JAKMIP2: variants seen among roughly 807,000 people sequenced by gnomAD.
The protein encoded by JAKMIP2 is janus kinase and microtubule-interacting protein 2.
JAKMIP2 carries 25 observed loss-of-function variants against 115.0 expected under a neutral mutation model. The ratio of observed to expected loss-of-function variants is 0.22; its 90% CI spans 0.16 to 0.30. The LOEUF is 0.30. JAKMIP2 is among the 10% of genes least tolerant of loss of function. The probability of loss-of-function intolerance (pLI) is 1.00; values close to 1 mark genes in which losing one functional copy is unlikely to be tolerated. For missense variants in JAKMIP2, 642 were observed against 957.6 expected (o/e 0.67, Z 4.35); for synonymous variants, 334 against 343.6 (o/e 0.97, Z 0.31).
chr5:147,716,105 T>C (rs1360717359), intron 1 of JAKMIP2, among the ~76,000 whole-genome samples: 1 of 147,712 alleles, frequency 6.8e-6, no homozygotes, highest in African/African-American at 2.5e-5. Flanking sequence ...TTTGGTTTTT[T>C]GTTCTTGTGA....
chr5:147,756,228 A>G (rs1469923158), intron 1 of JAKMIP2, among the ~76,000 whole-genome samples: 1 of 152,212 alleles, frequency 6.6e-6, no homozygotes, highest in African/African-American at 2.4e-5. Context: ...AGCATCAGAG[A>G]GAAGAATTCT....
At chr5:147,721,049 G>T (rs1753256690) in intron 1 of JAKMIP2, among the ~76,000 whole-genome samples, 1 of 152,168 alleles carries the variant, frequency 6.6e-6, no homozygotes, top group Admixed American at 6.5e-5. Context: ...CTTTCTGTTT[G>T]TTAGTTTTCC....
intron 19 of JAKMIP2, among the ~76,000 whole-genome samples, chr5:147,616,366 C>T (rs1756583417): frequency 6.6e-6 from 1 of 152,074 alleles, no homozygotes; most frequent in African/African-American, 2.4e-5. Flanking sequence ...AATGAAACTC[C>T]CTGAGGTTCA....
intron 1 of JAKMIP2, among the ~76,000 whole-genome samples, chr5:147,769,712 G>A (rs1755279537): frequency 6.9e-6 from 1 of 145,128 alleles, no homozygotes. Context: ...CAAAATATTA[G>A]GACATCAATG....
At chr5:147,592,262 CAGA>C (rs1217645551) in intron 21 of JAKMIP2, among the ~76,000 whole-genome samples, 1 of 152,174 alleles carries the variant, frequency 6.6e-6, no homozygotes, top group Non-Finnish European at 1.5e-5. Flanking sequence ...ATTTTAATAG[CAGA>C]CCTGTCTATT....
chr5:147,644,773 G>A (rs2126728322), intron 6 of JAKMIP2, 77 bp downstream of exon 6: 1 of 1,279,476 alleles, frequency 7.8e-7, no homozygotes, highest in South Asian at 1.4e-5. Context: ...AAAATAAGCT[G>A]AGAAATGGCA....
intron 7 of JAKMIP2, among the ~76,000 whole-genome samples, chr5:147,643,527 C>T (rs971968120): frequency 3.5e-4 from 54 of 152,192 alleles, no homozygotes; most frequent in African/African-American, 1.2e-3. Flanking sequence ...GAAGTAATAA[C>T]TGCTCTACCC....
intron 1 of JAKMIP2, among the ~76,000 whole-genome samples, chr5:147,761,222 C>G (rs938505927): frequency 3.9e-5 from 6 of 152,048 alleles, no homozygotes; most frequent in Non-Finnish European, 7.4e-5. Context: ...TATATTTTGA[C>G]AATGTAGTTC....
chr5:147,633,323 C>G (rs980472009), intron 12 of JAKMIP2, among the ~76,000 whole-genome samples: 8 of 152,082 alleles, frequency 5.3e-5, no homozygotes, highest in Admixed American at 5.2e-4. Flanking sequence ...ACAAACACAC[C>G]CACACATGAT....
chr5:147,627,679 A>G (rs1286836729), intron 16 of JAKMIP2, among the ~76,000 whole-genome samples: 1 of 2,644 alleles, frequency 3.8e-4, no homozygotes, highest in East Asian at 6.1e-3. Flanking sequence ...GCCTTTCTGT[A>G]AAAAAAAAAA....
At chr5:147,612,001 G>C in intron 20 of JAKMIP2, 1 of 493,558 alleles carries the variant, frequency 2.0e-6, no homozygotes, top group Non-Finnish European at 3.8e-6. Flanking sequence ...AGCAAAGTAG[G>C]GTAACAAAAC....
At chr5:147,593,595 G>A (rs1755204912) in intron 21 of JAKMIP2, among the ~76,000 whole-genome samples, 1 of 152,286 alleles carries the variant, frequency 6.6e-6, no homozygotes, top group Admixed American at 6.5e-5. Context: ...GAAGAAATGA[G>A]AATAAAACAG....
intron 1 of JAKMIP2, among the ~76,000 whole-genome samples, chr5:147,706,613 T>C (rs1461397683): frequency 6.6e-6 from 1 of 152,208 alleles, no homozygotes; most frequent in Non-Finnish European, 1.5e-5. Context: ...GAAATCTTTG[T>C]ATATTCTACC....
intron 1 of JAKMIP2, among the ~76,000 whole-genome samples, chr5:147,740,131 A>G (rs1754090076): frequency 6.6e-6 from 1 of 152,218 alleles, no homozygotes; most frequent in African/African-American, 2.4e-5. Flanking sequence ...TTTTTGAGTC[A>G]CACTTCTAAC....
intron 3 of JAKMIP2, among the ~76,000 whole-genome samples, chr5:147,656,613 C>T (rs374448541): frequency 1.2e-4 from 18 of 152,298 alleles, no homozygotes; most frequent in East Asian, 5.8e-4. Flanking sequence ...GAATACAGCA[C>T]GCTGATGGGT....
At chr5:147,691,816 G>T (rs1347890117) in intron 1 of JAKMIP2, among the ~76,000 whole-genome samples, 5 of 152,002 alleles carry the variant, frequency 3.3e-5, no homozygotes, top group Non-Finnish European at 2.9e-5. Context: ...GTGCATGGGA[G>T]CGGTTAAGCA....
At chr5:147,654,523 T>C (rs994846827) in intron 3 of JAKMIP2, among the ~76,000 whole-genome samples, 1 of 152,132 alleles carries the variant, frequency 6.6e-6, no homozygotes, top group Non-Finnish European at 1.5e-5. Flanking sequence ...TTGTCTATTG[T>C]TGGTGTATAG....
At chr5:147,744,517 A>AT (rs1339080665) in intron 1 of JAKMIP2, among the ~76,000 whole-genome samples, 2 of 152,228 alleles carry the variant, frequency 1.3e-5, no homozygotes, top group East Asian at 3.8e-4. Context: ...AAGTTGTTAC[A>AT]TATTTTAAAC....
At chr5:147,657,710 C>CT (rs1758750145) in intron 3 of JAKMIP2, among the ~76,000 whole-genome samples, 1 of 151,910 alleles carries the variant, frequency 6.6e-6, no homozygotes, top group African/African-American at 2.4e-5. Flanking sequence ...CCTTTTCATT[C>CT]TTTTTTCTCT....
Sources: allele counts gnomAD v4.1 joint callset (sites outside exome capture counted in the v4.1 genomes callset), GRCh38; gene constraint gnomAD v4.1.1; transcripts MANE v1.5; gene names NCBI Gene and HGNC (gene_info 2026-07-23, HGNC 2026-07-21).